Variants in BLTP1 observed in about 807,000 individuals in gnomAD.
BLTP1 encodes bridge-like lipid transfer protein family member 1.
At chr4:122,355,752 C>A in the BLTP1 span, 7 of 1,533,470 alleles carry the variant, frequency 4.6e-6, no homozygotes, top group Non-Finnish European at 6.2e-6. Context: ...CTTGTCAATG[C>A]CTATTGTTTT....
the BLTP1 span, among the ~76,000 whole-genome samples, chr4:122,268,539 T>C: frequency 6.6e-6 from 1 of 152,272 alleles, no homozygotes; most frequent in South Asian, 2.1e-4. Context: ...TAATTTTGCC[T>C]CCACTGAGTT....
At chr4:122,253,912 A>G in the BLTP1 span, among the ~76,000 whole-genome samples, 5 of 152,174 alleles carry the variant, frequency 3.3e-5, no homozygotes, top group Admixed American at 1.3e-4. Context: ...GAGAAAAGAA[A>G]CAAATAACAT....
chr4:122,208,437 A>G, the BLTP1 span: 1 of 984,166 alleles, frequency 1.0e-6, no homozygotes, highest in Non-Finnish European at 1.2e-6. Context: ...AGTAAAGCCA[A>G]ATGAAGATCC....
At chr4:122,226,289 A>C in the BLTP1 span, 1 of 576,312 alleles carries the variant, frequency 1.7e-6, no homozygotes, top group Non-Finnish European at 2.2e-6. Context: ...CTGGTTTTAA[A>C]AAAACTGTAG....
At chr4:122,232,640 C>G in the BLTP1 span, among the ~76,000 whole-genome samples, 3 of 152,030 alleles carry the variant, frequency 2.0e-5, no homozygotes, top group Non-Finnish European at 4.4e-5. Flanking sequence ...AAAGCCCCAT[C>G]ATGATGAATA....
the BLTP1 span, chr4:122,224,525 A>G: frequency 6.2e-7 from 1 of 1,613,640 alleles, no homozygotes; most frequent in Non-Finnish European, 8.5e-7. Context: ...TGAAGTACTC[A>G]GGGAAGGTCA....
chr4:122,351,361 T>A, the BLTP1 span: 1 of 262,816 alleles, frequency 3.8e-6, no homozygotes, highest in Non-Finnish European at 5.9e-6. Flanking sequence ...TATCTGTATA[T>A]ATGCGTACAT....
At chr4:122,294,441 C>A in the BLTP1 span, among the ~76,000 whole-genome samples, 2 of 152,158 alleles carry the variant, frequency 1.3e-5, no homozygotes, top group African/African-American at 4.8e-5. Flanking sequence ...TTCACTGATA[C>A]CTGGTGCAGG....
the BLTP1 span, among the ~76,000 whole-genome samples, chr4:122,217,041 T>A: frequency 6.6e-6 from 1 of 152,164 alleles, no homozygotes; most frequent in Non-Finnish European, 1.5e-5. Flanking sequence ...TTTGTTTATG[T>A]GATGTGTCAC....
chr4:122,305,635 T>C, the BLTP1 span: 2 of 962,736 alleles, frequency 2.1e-6, no homozygotes, highest in Non-Finnish European at 2.5e-6. Flanking sequence ...ATTTAGAATA[T>C]GGACCTCATC....
chr4:122,246,399 GT>G, the BLTP1 span: 1 of 1,147,904 alleles, frequency 8.7e-7, no homozygotes, highest in Non-Finnish European at 1.2e-6. Context: ...AGAACAGTGT[GT>G]AATATTAAAA....
chr4:122,198,212 C>A, the BLTP1 span: 1 of 975,224 alleles, frequency 1.0e-6, no homozygotes, highest in East Asian at 1.1e-4. Flanking sequence ...GTATCTTTTC[C>A]CCATAACTCT....
the BLTP1 span, chr4:122,186,275 T>G: frequency 6.8e-7 from 1 of 1,467,788 alleles, no homozygotes; most frequent in Admixed American, 2.2e-5. Flanking sequence ...ACATTTGCCT[T>G]TATTAGAATA....
At chr4:122,260,396 T>C in the BLTP1 span, among the ~76,000 whole-genome samples, 1 of 152,082 alleles carries the variant, frequency 6.6e-6, no homozygotes, top group East Asian at 1.9e-4. Flanking sequence ...CTCATCCTTA[T>C]CAGTAAGAAA....
chr4:122,241,459 A>G, the BLTP1 span, among the ~76,000 whole-genome samples: 4 of 152,328 alleles, frequency 2.6e-5, no homozygotes, highest in African/African-American at 7.2e-5. Flanking sequence ...TTTGAATACT[A>G]CGTAGAATTG....
At chr4:122,301,021 C>A in the BLTP1 span, 4 of 979,216 alleles carry the variant, frequency 4.1e-6, no homozygotes, top group Non-Finnish European at 4.8e-6. Flanking sequence ...TTACTTTTTT[C>A]CCTCAAATGT....
At chr4:122,344,102 T>C in the BLTP1 span, 1 of 522,934 alleles carries the variant, frequency 1.9e-6, no homozygotes, top group African/African-American at 2.1e-5. Flanking sequence ...TCTTGACTTG[T>C]ATTTAAATAA....
chr4:122,354,169 A>G, the BLTP1 span: 2 of 661,948 alleles, frequency 3.0e-6, no homozygotes, highest in Non-Finnish European at 5.1e-6. Flanking sequence ...ATAATTATTT[A>G]ATACCACCCT....
At chr4:122,229,367 C>G in the BLTP1 span, 3 of 682,310 alleles carry the variant, frequency 4.4e-6, no homozygotes, top group Non-Finnish European at 6.9e-6. Flanking sequence ...TAGGAGAAAA[C>G]TTTCTAATTT....
Sources: gnomAD v4.1 joint callset for allele counts (sites outside exome capture counted in the v4.1 genomes callset) on GRCh38, gnomAD v4.1.1 for gene constraint, MANE v1.5 for transcripts, NCBI Gene and HGNC (gene_info 2026-07-23, HGNC 2026-07-21) for gene names.